Variants in VSTM4 observed in about 807,000 individuals in gnomAD.
VSTM4 encodes the protein V-set and transmembrane domain containing 4, also known as V-set and transmembrane domain-containing protein 4.
VSTM4 carries 20 observed loss-of-function variants against 36.4 expected under a neutral mutation model. The ratio of observed to expected loss-of-function variants is 0.55; its 90% confidence interval spans 0.39 to 0.80. The LOEUF (loss-of-function observed/expected upper bound fraction) is 0.80. VSTM4 is among the 30% of genes least tolerant of loss of function. The pLI, the probability that VSTM4 is intolerant of heterozygous loss-of-function variation, is 0.00. For synonymous variants in VSTM4, 182 were observed against 173.9 expected (o/e 1.05, Z -0.37); for missense variants, 392 against 404.5 (o/e 0.97, Z 0.26).
intron 2 of VSTM4, among the ~76,000 whole-genome samples, chr10:49,091,446 C>T (rs929250108): frequency 6.6e-6 from 1 of 152,180 alleles, no homozygotes; most frequent in African/African-American, 2.4e-5. Flanking sequence ...TGAGACAAAC[C>T]GATTCTATCA....
At chr10:49,068,640 TAGCATAA>T (rs1844017757) in intron 4 of VSTM4, among the ~76,000 whole-genome samples, 1 of 152,146 alleles carries the variant, frequency 6.6e-6, no homozygotes, top group African/African-American at 2.4e-5. Flanking sequence ...TAAATATGCA[TAGCATAA>T]TTAGTGCTAT....
intron 2 of VSTM4, among the ~76,000 whole-genome samples, chr10:49,097,411 A>C (rs1844592747): frequency 6.6e-6 from 1 of 152,190 alleles, no homozygotes; most frequent in African/African-American, 2.4e-5. Flanking sequence ...GGAGGCACAA[A>C]GGTGGAGAGA....
chr10:49,103,680 G>T (rs1039393866), intron 2 of VSTM4: 3 of 1,595,218 alleles, frequency 1.9e-6, no homozygotes, highest in Non-Finnish European at 2.6e-6. Flanking sequence ...AATGAGGAGA[G>T]ACCAGGCACC....
chr10:49,065,990 G>A (rs1345136141), intron 4 of VSTM4, among the ~76,000 whole-genome samples: 1 of 151,274 alleles, frequency 6.6e-6, no homozygotes, highest in East Asian at 1.9e-4. Flanking sequence ...AGTATTTATC[G>A]AACATTTCAT....
At chr10:49,103,716 T>G (rs1360254088) in intron 2 of VSTM4, 2 of 1,610,684 alleles carry the variant, frequency 1.2e-6, no homozygotes, top group Non-Finnish European at 1.7e-6. Flanking sequence ...GAGTTTCCAG[T>G]GAAAGACAAG....
chr10:49,027,278 A>C (rs1843276980), intron 7 of VSTM4, among the ~76,000 whole-genome samples: 1 of 152,190 alleles, frequency 6.6e-6, no homozygotes, highest in African/African-American at 2.4e-5. Context: ...GTAACATCTA[A>C]GAATGCTCTA....
At chr10:49,064,825 G>C (rs1315110899) in intron 4 of VSTM4, 89 bp from the exon 5 acceptor site, 26 of 1,445,458 alleles carry the variant, frequency 1.8e-5, no homozygotes, top group Non-Finnish European at 2.0e-5. Flanking sequence ...CCGGGAGCCA[G>C]GTGTTGTTCA....
At chr10:49,034,501 T>C (rs1843397872) in intron 7 of VSTM4, among the ~76,000 whole-genome samples, 1 of 152,226 alleles carries the variant, frequency 6.6e-6, no homozygotes, top group Non-Finnish European at 1.5e-5. Flanking sequence ...TTATTGTCTT[T>C]TGGTGATCAC....
intron 4 of VSTM4, among the ~76,000 whole-genome samples, chr10:49,074,693 T>C (rs1047346137): frequency 6.6e-6 from 1 of 152,130 alleles, no homozygotes; most frequent in African/African-American, 2.4e-5. Flanking sequence ...AAAACCAAAC[T>C]ACTAGGAGAT....
chr10:49,075,034 G>A (rs576146215), intron 4 of VSTM4, among the ~76,000 whole-genome samples: 1 of 152,316 alleles, frequency 6.6e-6, no homozygotes, highest in East Asian at 1.9e-4. Context: ...CCCACAGCGG[G>A]TGCTCAGACA....
chr10:49,067,072 T>C (rs1424031708), intron 4 of VSTM4, among the ~76,000 whole-genome samples: 1 of 152,230 alleles, frequency 6.6e-6, no homozygotes, highest in Non-Finnish European at 1.5e-5. Context: ...AAGACAGTCA[T>C]TAAATTCAAG....
intron 5 of VSTM4, among the ~76,000 whole-genome samples, chr10:49,061,109 T>C (rs1843869435): frequency 6.6e-6 from 1 of 152,226 alleles, no homozygotes; most frequent in South Asian, 2.1e-4. Context: ...TCTGACTTTG[T>C]TATTTTTTAA....
chr10:49,049,538 G>A (rs1843665889), intron 5 of VSTM4, among the ~76,000 whole-genome samples: 1 of 152,096 alleles, frequency 6.6e-6, no homozygotes, highest in Admixed American at 6.5e-5. Context: ...CTTGTCCGCA[G>A]GCACATGTCC....
intron 1 of VSTM4, 128 bp downstream of exon 1, chr10:49,115,303 G>T: frequency 5.0e-6 from 3 of 594,506 alleles, no homozygotes; most frequent in Non-Finnish European, 6.4e-6. Context: ...TGGCGACAGT[G>T]ACAGCGCCGC....
intron 6 of VSTM4, 44 bp downstream of exon 6, chr10:49,048,434 A>G: frequency 1.3e-6 from 2 of 1,527,838 alleles, no homozygotes; most frequent in African/African-American, 1.4e-5. Flanking sequence ...ACAGGGATCA[A>G]TAATGATAGT....
At chr10:49,107,517 C>T in intron 2 of VSTM4, 77 bp downstream of exon 2, 1 of 1,518,774 alleles carries the variant, frequency 6.6e-7, no homozygotes, top group East Asian at 2.3e-5. Context: ...CCCGGGAGCC[C>T]CTGGGTGGTG....
chr10:49,014,773 C>T lies in VSTM4; in HGVS notation c.*4877G>A, dbSNP rs1435347663. ...TAGGAGCAGCTTTCTCCTGGCTCTC[C>T]CCTGCTGCTGTGACTGTCACTGTCC... is the stretch of plus-strand genomic sequence containing the variant. On this transcript the variant is annotated 3_prime_UTR_variant, in exon 8 of 8. Transcript: ENST00000332853. 1 of 152,958 alleles carries T rather than the reference C, an allele frequency of 6.5e-6. No individual in the cohort carries two copies. The highest frequency in any genetic ancestry group is 2.4e-5 in the African/African-American group (1 of 41,458). 9.5% of individuals were successfully genotyped at this position (152,958 alleles called of 1,614,324 possible).
At chr10:49,104,703 G>T (rs901185184) in intron 2 of VSTM4, among the ~76,000 whole-genome samples, 1 of 152,220 alleles carries the variant, frequency 6.6e-6, no homozygotes, top group Admixed American at 6.5e-5. Flanking sequence ...CCGCTGAGAG[G>T]GTAGAACCAC....
At chr10:49,061,101 T>C (rs1166963859) in intron 5 of VSTM4, among the ~76,000 whole-genome samples, 2 of 152,242 alleles carry the variant, frequency 1.3e-5, no homozygotes, top group Non-Finnish European at 2.9e-5. Context: ...GTAAGTCCTC[T>C]GACTTTGTTA....
Sources: gnomAD v4.1 joint callset for allele counts (sites outside exome capture counted in the v4.1 genomes callset) on GRCh38, gnomAD v4.1.1 for gene constraint, MANE v1.5 for transcripts, NCBI Gene and HGNC (gene_info 2026-07-23, HGNC 2026-07-21) for gene names.